The following TCF7L1 variants were observed in gnomAD, a reference collection of about 807,000 sequenced individuals.
TCF7L1 encodes the protein transcription factor 7 like 1.
Under a neutral mutation model 63.7 loss-of-function variants are expected in TCF7L1, and 18 were observed. The ratio of observed to expected loss-of-function variants is 0.28; its 90% CI spans 0.20 to 0.42. The LOEUF (loss-of-function observed/expected upper bound fraction) is 0.42. TCF7L1 is among the 10% of genes least tolerant of loss of function. TCF7L1 has a pLI of 1.00. For synonymous variants in TCF7L1, 355 were observed against 340.9 expected (o/e 1.04, Z -0.46); for missense variants, 654 against 779.3 (o/e 0.84, Z 1.91).
At chr2:85,174,891 C>T (rs1678641338) in intron 3 of TCF7L1, among the ~76,000 whole-genome samples, 1 of 152,240 alleles carries the variant, frequency 6.6e-6, no homozygotes, top group East Asian at 1.9e-4. Context: ...TCCTCCGGAC[C>T]TCATATTAGA....
intron 3 of TCF7L1, among the ~76,000 whole-genome samples, chr2:85,234,583 C>G (rs1680156551): frequency 6.6e-6 from 1 of 152,184 alleles, no homozygotes. Context: ...GAATTTCTCA[C>G]CTCTTGAGAA....
chr2:85,256,533 A>T (rs1272688090), intron 3 of TCF7L1, among the ~76,000 whole-genome samples: 1 of 152,220 alleles, frequency 6.6e-6, no homozygotes, highest in Non-Finnish European at 1.5e-5. Flanking sequence ...AATCAATTAC[A>T]TATAACAGTG....
chr2:85,134,131 T>G lies in TCF7L1; in HGVS notation c.313+52T>G. 3 of 1,590,292 alleles carry G rather than the reference T, an allele frequency of 1.9e-6. No individual in the cohort carries two copies. The highest frequency in any genetic ancestry group is 2.6e-6 in the Non-Finnish European group (3 of 1,167,496). On this transcript the variant is annotated intron_variant, in intron 2 of 11. Coordinates refer to ENST00000282111, the MANE Select transcript of TCF7L1 (RefSeq NM_031283.3). The surrounding 1 kb of genome is among the most constrained non-coding windows in gnomAD (Gnocchi z 5.0). ...ACTCTCGATTCCCGCTGCGCTCCGC[T>G]GCTCAGCCCGGGCGGCCCACCGTCC... is the stretch of plus-strand genomic sequence containing the variant.
chr2:85,191,663 A>G (rs1679039974), intron 3 of TCF7L1, among the ~76,000 whole-genome samples: 1 of 152,068 alleles, frequency 6.6e-6, no homozygotes, highest in African/African-American at 2.4e-5. Flanking sequence ...TGTCTCTACT[A>G]AAAATACAAA....
rs1171743608 is a variant in TCF7L1, at chr2:85,260,470, C to T, written c.442-23025C>T. On this transcript the variant is annotated intron_variant, in intron 3 of 11. Transcript: ENST00000282111. ...TGGGCAACATAGTGAGACCTCGTCT[C>T]TACAATACAGGAAAAAAAAAATTAG... Among the ~76,000 whole-genome samples, 3 of 151,596 alleles carry T rather than the reference C, an allele frequency of 2.0e-5. No individual in the cohort carries two copies. The East Asian group carries it at 5.8e-4, about 29-fold the overall frequency.
At chr2:85,189,071 T>A (rs1367791931) in intron 3 of TCF7L1, among the ~76,000 whole-genome samples, 1 of 152,200 alleles carries the variant, frequency 6.6e-6, no homozygotes, top group Non-Finnish European at 1.5e-5. Context: ...AAAATATTTG[T>A]GTGCAACAGT....
chr2:85,305,991 G>T (rs1682098754), intron 8 of TCF7L1, among the ~76,000 whole-genome samples: 2 of 152,162 alleles, frequency 1.3e-5, no homozygotes, highest in African/African-American at 4.8e-5. Flanking sequence ...TTGGAGAGTA[G>T]ATTTTCAAAG....
chr2:85,301,748 A>T (rs1044313536), intron 4 of TCF7L1, among the ~76,000 whole-genome samples: 11 of 152,314 alleles, frequency 7.2e-5, no homozygotes, highest in African/African-American at 2.6e-4. Flanking sequence ...TAATGGGGGC[A>T]ACTCTCCCCC....
chr2:85,173,108 C>T (rs1477514826), intron 3 of TCF7L1, among the ~76,000 whole-genome samples: 2 of 152,234 alleles, frequency 1.3e-5, no homozygotes, highest in Admixed American at 6.5e-5. Flanking sequence ...CACCTTATTT[C>T]CTGAGAAAAG....
intron 4 of TCF7L1, among the ~76,000 whole-genome samples, chr2:85,289,282 A>G (rs925508889): frequency 1.3e-5 from 2 of 151,764 alleles, no homozygotes; most frequent in African/African-American, 4.9e-5. Flanking sequence ...CTGATGACCA[A>G]AATGCTTCCT....
intron 3 of TCF7L1, chr2:85,233,930 TA>T (rs1680139460): frequency 6.6e-6 from 1 of 152,202 alleles, no homozygotes; most frequent in Non-Finnish European, 1.5e-5. Flanking sequence ...TTTTCCGTTG[TA>T]TGGATGAACC....
At chr2:85,167,456 C>G (rs192586009) in intron 3 of TCF7L1, 1 of 152,230 alleles carries the variant, frequency 6.6e-6, no homozygotes, top group Non-Finnish European at 1.5e-5. Flanking sequence ...CCCCCACATT[C>G]ACTGCAGCAC....
At chr2:85,279,377 A>ACGTT (rs60624652) in intron 3 of TCF7L1, among the ~76,000 whole-genome samples, 42,072 of 152,024 alleles carry the variant, frequency 0.28, 6,157 homozygotes, top group East Asian at 0.57. Flanking sequence ...TGGGCAACGT[A>ACGTT]GCAAGACCCC....
In TCF7L1 at chr2:85,308,948, C is replaced by A. The variant is rs749191184; in HGVS notation, c.1334-81C>A. On this transcript the variant is annotated intron_variant, in intron 11 of 11. Coordinates refer to ENST00000282111, the MANE Select transcript of TCF7L1 (RefSeq NM_031283.3). ...AAATCATCCCTGTGTCTCCAAAGCA[C>A]ATGTATCGCCAGGGCTGTTCCTCAG... The A allele has an allele frequency of 1.0e-5, 15 of 1,465,802 alleles. 1 individual carries two copies. Among genetic ancestry groups the A allele is most frequent in the African/African-American group, 1.4e-5 (1 of 70,716 alleles). The allele number at this position is 1,465,802 out of a possible 1,614,324, so 90.8% of individuals were successfully genotyped here.
chr2:85,173,053 C>T (rs1234501572), intron 3 of TCF7L1, among the ~76,000 whole-genome samples: 1 of 152,244 alleles, frequency 6.6e-6, no homozygotes, highest in Non-Finnish European at 1.5e-5. Flanking sequence ...AAATGAGTGG[C>T]AGCAGTATTT....
intron 3 of TCF7L1, among the ~76,000 whole-genome samples, chr2:85,173,752 T>C (rs1199326986): frequency 6.6e-6 from 1 of 151,954 alleles, no homozygotes; most frequent in Non-Finnish European, 1.5e-5. Flanking sequence ...TCTTTTTTTT[T>C]CTGAGACGGA....
intron 3 of TCF7L1, among the ~76,000 whole-genome samples, chr2:85,244,620 G>T (rs1186627049): frequency 6.6e-6 from 1 of 152,148 alleles, no homozygotes; most frequent in Non-Finnish European, 1.5e-5. Context: ...ATAATTAGGA[G>T]CTCTGTTTGG....
chr2:85,281,261 A>G (rs749233182), intron 3 of TCF7L1, among the ~76,000 whole-genome samples: 6 of 151,958 alleles, frequency 3.9e-5, no homozygotes, highest in Admixed American at 1.3e-4. Flanking sequence ...TTGACCTCGA[A>G]TGATTTGCCC....
intron 4 of TCF7L1, among the ~76,000 whole-genome samples, chr2:85,297,420 C>G (rs552207263): frequency 6.6e-6 from 1 of 152,164 alleles, no homozygotes; most frequent in Non-Finnish European, 1.5e-5. Flanking sequence ...ACTGGCCTGC[C>G]GTGGGTCCTC....
Sources: allele counts gnomAD v4.1 joint callset (sites outside exome capture counted in the v4.1 genomes callset), GRCh38; gene constraint gnomAD v4.1.1; non-coding constraint Gnocchi (gnomAD v3.1); transcripts MANE v1.5; gene names NCBI Gene and HGNC (gene_info 2026-07-23, HGNC 2026-07-21).